PCDH15: variants seen among roughly 807,000 people sequenced by gnomAD.
The protein encoded by PCDH15 is protocadherin-15.
Under a neutral mutation model 178.5 loss-of-function variants are expected in PCDH15, and 129 were observed. The ratio of observed to expected loss-of-function variants is 0.72; its 90% CI spans 0.63 to 0.84. The LOEUF (loss-of-function observed/expected upper bound fraction) is 0.84, where lower values mean the gene tolerates loss of function less well. Among genes scored for constraint, PCDH15 ranks in the 40% least tolerant of loss-of-function variants. The probability of loss-of-function intolerance (pLI) is 0.00; values close to 1 mark genes in which losing one functional copy is unlikely to be tolerated. For missense variants in PCDH15, 2,230 were observed against 2,099.9 expected (o/e 1.06, Z -1.21); for synonymous variants, 800 against 732.0 (o/e 1.09, Z -1.50).
chr10:53,833,299 T>A (rs1380754435), intron 29 of PCDH15, among the ~76,000 whole-genome samples: 1 of 152,090 alleles, frequency 6.6e-6, no homozygotes, highest in Non-Finnish European at 1.5e-5. Flanking sequence ...GATTTGTTAG[T>A]CTTTTTACAC....
chr10:54,147,145 T>C (rs1420975977), intron 14 of PCDH15, among the ~76,000 whole-genome samples: 2 of 151,210 alleles, frequency 1.3e-5, no homozygotes, highest in Admixed American at 6.6e-5. Flanking sequence ...TTTGAAGGAT[T>C]AACTCCTCTC....
chr10:54,175,797 C>T (rs1031591452), intron 13 of PCDH15, among the ~76,000 whole-genome samples: 3 of 152,008 alleles, frequency 2.0e-5, no homozygotes, highest in African/African-American at 7.2e-5. Flanking sequence ...TCACATTTTT[C>T]TATAAAATTA....
intron 2 of PCDH15, among the ~76,000 whole-genome samples, chr10:55,139,285 C>T (rs1838284647): frequency 6.6e-6 from 1 of 151,966 alleles, no homozygotes; most frequent in African/African-American, 2.4e-5. Flanking sequence ...AAAAATTTTA[C>T]TTTTGATTAA....
intron 3 of PCDH15, among the ~76,000 whole-genome samples, chr10:54,476,376 C>A (rs946880913): frequency 2.6e-5 from 4 of 152,106 alleles, no homozygotes; most frequent in African/African-American, 7.2e-5. Context: ...AACAGATTAT[C>A]TAATGGATTA....
intron 9 of PCDH15, among the ~76,000 whole-genome samples, chr10:54,235,734 T>C (rs2054563493): frequency 6.6e-6 from 1 of 152,208 alleles, no homozygotes; most frequent in Non-Finnish European, 1.5e-5. Flanking sequence ...TCTCTCATAT[T>C]TGTGTTTTTA....
At chr10:54,352,030 T>C (rs912796906) in intron 5 of PCDH15, among the ~76,000 whole-genome samples, 1 of 152,226 alleles carries the variant, frequency 6.6e-6, no homozygotes, top group Non-Finnish European at 1.5e-5. Context: ...TGTACATATA[T>C]ATTTGGTGAT....
chr10:54,070,762 ATTTC>A (rs1288477534), intron 17 of PCDH15, among the ~76,000 whole-genome samples: 1 of 151,522 alleles, frequency 6.6e-6, no homozygotes, highest in African/African-American at 2.4e-5. Context: ...GCTAATTTTT[ATTTC>A]TTTATTTTAT....
At chr10:54,095,395 G>A (rs1056911636) in intron 15 of PCDH15, among the ~76,000 whole-genome samples, 2 of 151,462 alleles carry the variant, frequency 1.3e-5, no homozygotes, top group Non-Finnish European at 2.9e-5. Context: ...GTAAGTAAAA[G>A]GTCAGTTCAT....
chr10:55,256,582 G>A (rs573321230), intron 1 of PCDH15, among the ~76,000 whole-genome samples: 23 of 152,146 alleles, frequency 1.5e-4, no homozygotes, highest in African/African-American at 2.2e-4. Flanking sequence ...ATTATAACCC[G>A]CACCTGGCTC....
At chr10:53,920,346 T>G (rs935974843) in intron 25 of PCDH15, among the ~76,000 whole-genome samples, 4 of 152,226 alleles carry the variant, frequency 2.6e-5, no homozygotes, top group Admixed American at 2.0e-4. Flanking sequence ...ATTTGCATCT[T>G]TTAATAAAAA....
chr10:54,002,119 AGT>A (rs373745031), intron 20 of PCDH15, among the ~76,000 whole-genome samples: 7 of 150,524 alleles, frequency 4.7e-5, no homozygotes. Flanking sequence ...ATATGTATTC[AGT>A]GTGTGTGTGT....
intron 2 of PCDH15, among the ~76,000 whole-genome samples, chr10:55,038,935 G>T (rs1287505975): frequency 2.0e-5 from 3 of 152,082 alleles, no homozygotes; most frequent in African/African-American, 7.2e-5. Flanking sequence ...ATTCCGCTTT[G>T]TCCACCTTAA....
chr10:55,113,616 G>A (rs1029289081), intron 2 of PCDH15, among the ~76,000 whole-genome samples: 1 of 152,082 alleles, frequency 6.6e-6, no homozygotes, highest in African/African-American at 2.4e-5. Context: ...ACTTCCACTG[G>A]AGACTCCTTA....
At chr10:54,824,611 C>G (rs1470838882) in intron 3 of PCDH15, among the ~76,000 whole-genome samples, 2 of 152,112 alleles carry the variant, frequency 1.3e-5, no homozygotes, top group Non-Finnish European at 2.9e-5. Context: ...GAGGCAAAAA[C>G]ATGGTAGATG....
At chr10:54,786,956 T>A (rs1950931238) in intron 1 of PCDH15, among the ~76,000 whole-genome samples, 1 of 151,826 alleles carries the variant, frequency 6.6e-6, no homozygotes, top group Non-Finnish European at 1.5e-5. Flanking sequence ...AAAGATATTA[T>A]ATTTCTATAT....
At chr10:54,356,600 C>T (rs1181638354) in intron 5 of PCDH15, among the ~76,000 whole-genome samples, 1 of 151,432 alleles carries the variant, frequency 6.6e-6, no homozygotes. Flanking sequence ...ACACAAAAAT[C>T]TACCTCTATG....
At chr10:54,120,673 TA>T (rs1373766165) in intron 15 of PCDH15, among the ~76,000 whole-genome samples, 2 of 151,336 alleles carry the variant, frequency 1.3e-5, no homozygotes, top group Non-Finnish European at 3.0e-5. Context: ...CTAACAACAC[TA>T]AAAACAAAAA....
At chr10:54,837,603 T>C (rs1953338547) in intron 3 of PCDH15, among the ~76,000 whole-genome samples, 1 of 152,164 alleles carries the variant, frequency 6.6e-6, no homozygotes, top group Non-Finnish European at 1.5e-5. Flanking sequence ...ACAATATTCC[T>C]TTGAACGAGT....
At position 55,382,031 on chromosome 10, in the gene PCDH15, A is replaced by G. The variant is rs546947121; in HGVS notation, c.-155-215380T>C. On this transcript the variant is annotated intron_variant, in intron 2 of 5. Transcript: ENST00000613346. ...TGAATCTCTATATCCAGCTACAGCT[A>G]TAAGTCATCCTACCCTCAGCAATAT... Among the ~76,000 whole-genome samples the G allele has an allele frequency of 3.9e-5, 6 of 152,290 alleles. No homozygotes were observed. The South Asian group carries it at 6.2e-4, about 16-fold the overall frequency.
Sources: allele counts gnomAD v4.1 joint callset (sites outside exome capture counted in the v4.1 genomes callset), GRCh38; gene constraint gnomAD v4.1.1; transcripts MANE v1.5; gene names NCBI Gene and HGNC (gene_info 2026-07-23, HGNC 2026-07-21).